Variants in ATRNL1 observed in about 807,000 individuals in gnomAD.
ATRNL1 encodes attractin like 1.
A neutral mutation model predicts 182.7 loss-of-function variants in ATRNL1; 95 were observed. The observed-to-expected ratio is 0.52, with a 90% CI of 0.44 to 0.62. The LOEUF (loss-of-function observed/expected upper bound fraction) is 0.62. Among genes scored for constraint, ATRNL1 ranks in the 20% least tolerant of loss-of-function variants. The pLI is 0.00. For synonymous variants in ATRNL1, 576 were observed against 568.3 expected (o/e 1.01, Z -0.19); for missense variants, 1,471 against 1,679.5 (o/e 0.88, Z 2.17).
chr10:115,506,731 C>T (rs550151424), intron 24 of ATRNL1, among the ~76,000 whole-genome samples: 6 of 152,106 alleles, frequency 3.9e-5, no homozygotes, highest in East Asian at 3.9e-4. Context: ...ATTCTCTGGA[C>T]GGTATGCTCC....
chr10:115,475,975 A>G (rs1056398209), intron 24 of ATRNL1, among the ~76,000 whole-genome samples: 2 of 151,186 alleles, frequency 1.3e-5, no homozygotes, highest in Admixed American at 1.3e-4. Flanking sequence ...AGTTTAATTC[A>G]CTCTTGTTTT....
At chr10:115,453,219 G>A (rs1436773473) in intron 21 of ATRNL1, among the ~76,000 whole-genome samples, 1 of 152,098 alleles carries the variant, frequency 6.6e-6, no homozygotes, top group Admixed American at 6.6e-5. Flanking sequence ...ACCTAAAAGT[G>A]GGATTGCTGG....
chr10:115,160,000 T>G, intron 5 of ATRNL1, 40 bp from the exon 6 acceptor site: 1 of 1,434,700 alleles, frequency 7.0e-7, no homozygotes, highest in Non-Finnish European at 9.4e-7. Context: ...TCTGAGGGCT[T>G]TGTTTAATCT....
intron 8 of ATRNL1, among the ~76,000 whole-genome samples, chr10:115,191,778 C>T (rs1848178709): frequency 6.6e-6 from 1 of 152,046 alleles, no homozygotes; most frequent in African/African-American, 2.4e-5. Flanking sequence ...TTGCAAGTTC[C>T]CTGAGGCCTC....
At chr10:115,450,340 C>T (rs528762986) in intron 21 of ATRNL1, among the ~76,000 whole-genome samples, 1 of 152,226 alleles carries the variant, frequency 6.6e-6, no homozygotes, top group Admixed American at 6.6e-5. Context: ...GGAAGTCAAA[C>T]TATCCCTCTT....
At chr10:115,622,654 C>T (rs547969687) in intron 26 of ATRNL1, among the ~76,000 whole-genome samples, 7 of 135,414 alleles carry the variant, frequency 5.2e-5, no homozygotes, top group Admixed American at 3.4e-4. Flanking sequence ...GGGCGGGGCG[C>T]GGTGGCTCAC....
chr10:115,368,450 T>C (rs571541325), intron 19 of ATRNL1, among the ~76,000 whole-genome samples: 3 of 152,290 alleles, frequency 2.0e-5, no homozygotes, highest in African/African-American at 7.2e-5. Flanking sequence ...ATGAACCCAG[T>C]ACCTCAGATG....
At chr10:115,223,913 G>GTGTGTGTGTATATA (rs71476115) in intron 9 of ATRNL1, among the ~76,000 whole-genome samples, 4 of 55,922 alleles carry the variant, frequency 7.2e-5, no homozygotes, top group Non-Finnish European at 9.5e-5. Flanking sequence ...GTGTGTGTGT[G>GTGTGTGTGTATATA]TATATATATA....
chr10:115,559,732 A>G (rs1853577157), intron 26 of ATRNL1, among the ~76,000 whole-genome samples: 1 of 152,216 alleles, frequency 6.6e-6, no homozygotes, highest in South Asian at 2.1e-4. Flanking sequence ...ACAAATTAGG[A>G]ATGAAAAGGA....
intron 24 of ATRNL1, among the ~76,000 whole-genome samples, chr10:115,518,971 A>G (rs886879765): frequency 6.6e-6 from 1 of 151,960 alleles, no homozygotes; most frequent in Non-Finnish European, 1.5e-5. Flanking sequence ...TTGGTTAGGC[A>G]TATTTAATCT....
At chr10:115,826,670 C>A (rs1457957815) in intron 27 of ATRNL1, among the ~76,000 whole-genome samples, 1 of 152,028 alleles carries the variant, frequency 6.6e-6, no homozygotes, top group Admixed American at 6.6e-5. Context: ...TTTTATTGAG[C>A]AAAAGAAAAG....
chr10:115,592,700 AAAT>A (rs1855984760), intron 26 of ATRNL1, among the ~76,000 whole-genome samples: 1 of 152,206 alleles, frequency 6.6e-6, no homozygotes, highest in South Asian at 2.1e-4. Context: ...TTTTATTGCC[AAAT>A]AATACTAGAA....
intron 28 of ATRNL1, among the ~76,000 whole-genome samples, chr10:115,848,848 T>C (rs1187813512): frequency 2.0e-5 from 3 of 152,192 alleles, no homozygotes; most frequent in Non-Finnish European, 4.4e-5. Flanking sequence ...TTCAAATCTG[T>C]TTTTCTCTTC....
At chr10:115,405,939 G>A (rs1393267975) in intron 20 of ATRNL1, among the ~76,000 whole-genome samples, 2 of 147,512 alleles carry the variant, frequency 1.4e-5, no homozygotes, top group Admixed American at 6.9e-5. Flanking sequence ...GAGAACATGC[G>A]GTGTTTGTTT....
chr10:115,404,556 T>A (rs1235138201), intron 20 of ATRNL1, among the ~76,000 whole-genome samples: 2 of 152,228 alleles, frequency 1.3e-5, no homozygotes, highest in Non-Finnish European at 2.9e-5. Flanking sequence ...GTCTTCAAGC[T>A]GGAATCAAAC....
intron 1 of ATRNL1, chr10:115,096,529 A>C (rs2085014757): frequency 1.9e-6 from 1 of 525,422 alleles, no homozygotes; most frequent in South Asian, 1.8e-5. Flanking sequence ...TCTTTTTCTA[A>C]ACTGAAGGAT....
At chr10:115,912,379 C>T (rs901403685) in intron 28 of ATRNL1, among the ~76,000 whole-genome samples, 6 of 150,692 alleles carry the variant, frequency 4.0e-5, no homozygotes, top group South Asian at 4.2e-4. Flanking sequence ...ATAATCTTCA[C>T]CTGTCAAATT....
At chr10:115,102,641 G>T (rs1191817715) in intron 1 of ATRNL1, among the ~76,000 whole-genome samples, 5 of 151,810 alleles carry the variant, frequency 3.3e-5, no homozygotes, top group African/African-American at 1.2e-4. Context: ...ATGAGGTTTT[G>T]CCATGTTGGC....
chr10:115,816,205 A>G (rs1341992383), intron 27 of ATRNL1, among the ~76,000 whole-genome samples: 4 of 152,278 alleles, frequency 2.6e-5, no homozygotes, highest in East Asian at 1.9e-4. Context: ...TGGCCACACA[A>G]TGTGATCTGC....
Sources: gnomAD v4.1 joint callset for allele counts (sites outside exome capture counted in the v4.1 genomes callset) on GRCh38, gnomAD v4.1.1 for gene constraint, MANE v1.5 for transcripts, NCBI Gene and HGNC (gene_info 2026-07-23, HGNC 2026-07-21) for gene names.